The following PARD3B variants were observed in gnomAD, a reference collection of about 807,000 sequenced individuals.
The protein encoded by PARD3B is par-3 family cell polarity regulator beta.
In PARD3B, 103 loss-of-function variants were observed where a neutral mutation model predicts 130.2. The observed-to-expected ratio is 0.79, with a 90% CI of 0.67 to 0.93. The LOEUF is 0.93. PARD3B is among the 40% of genes least tolerant of loss of function. PARD3B has a pLI of 0.00. For synonymous variants in PARD3B, 583 were observed against 553.2 expected (o/e 1.05, Z -0.76); for missense variants, 1,609 against 1,499.2 (o/e 1.07, Z -1.21).
chr2:204,704,242 A>G (rs2038029148), intron 2 of PARD3B, among the ~76,000 whole-genome samples: 1 of 152,178 alleles, frequency 6.6e-6, no homozygotes, highest in African/African-American at 2.4e-5. Flanking sequence ...TCATGCAGAT[A>G]TTATTGAGAA....
At chr2:205,006,506 C>T (rs1324949297) in intron 3 of PARD3B, among the ~76,000 whole-genome samples, 1 of 152,142 alleles carries the variant, frequency 6.6e-6, no homozygotes, top group Non-Finnish European at 1.5e-5. Context: ...GCCATTCTTG[C>T]AGAAGTAAGG....
At chr2:204,746,935 C>T (rs1404132452) in intron 2 of PARD3B, among the ~76,000 whole-genome samples, 1 of 152,102 alleles carries the variant, frequency 6.6e-6, no homozygotes, top group Non-Finnish European at 1.5e-5. Flanking sequence ...GTTGCCTGTT[C>T]ATTCTGATGG....
chr2:205,246,599 C>A (rs1453760459), intron 16 of PARD3B, among the ~76,000 whole-genome samples: 1 of 152,148 alleles, frequency 6.6e-6, no homozygotes, highest in African/African-American at 2.4e-5. Context: ...CCCCTCTAAA[C>A]AACAGAAGGA....
chr2:204,699,968 A>G (rs2037814810), intron 2 of PARD3B, among the ~76,000 whole-genome samples: 1 of 152,172 alleles, frequency 6.6e-6, no homozygotes, highest in Admixed American at 6.5e-5. Flanking sequence ...TATATACACT[A>G]ACAGAAAATG....
chr2:204,819,121 C>A (rs2125540338), intron 2 of PARD3B, among the ~76,000 whole-genome samples: 1 of 152,268 alleles, frequency 6.6e-6, no homozygotes, highest in East Asian at 1.9e-4. Flanking sequence ...CGTATACATA[C>A]AGAAATTCTT....
intron 16 of PARD3B, among the ~76,000 whole-genome samples, chr2:205,252,656 A>T (rs2039898774): frequency 6.6e-6 from 1 of 152,160 alleles, no homozygotes; most frequent in Non-Finnish European, 1.5e-5. Context: ...TGGCAGCAGT[A>T]CAAAGAGAAA....
intron 18 of PARD3B, among the ~76,000 whole-genome samples, chr2:205,343,299 A>T (rs1172545053): frequency 1.3e-5 from 2 of 152,196 alleles, no homozygotes; most frequent in Non-Finnish European, 2.9e-5. Flanking sequence ...CTTTGTGTTG[A>T]TAGCCAATAA....
intron 13 of PARD3B, among the ~76,000 whole-genome samples, chr2:205,178,935 C>T (rs1158743429): frequency 2.0e-5 from 3 of 152,172 alleles, no homozygotes; most frequent in African/African-American, 7.2e-5. Context: ...TAAACAGCCT[C>T]AGGCAGTTCC....
intron 2 of PARD3B, among the ~76,000 whole-genome samples, chr2:204,694,559 C>A (rs932194671): frequency 3.3e-5 from 5 of 151,958 alleles, no homozygotes; most frequent in African/African-American, 1.2e-4. Context: ...TAATTGACTA[C>A]CTTTTTCTTC....
chr2:204,862,721 T>A (rs1361883911), intron 2 of PARD3B, among the ~76,000 whole-genome samples: 1 of 152,176 alleles, frequency 6.6e-6, no homozygotes, highest in Non-Finnish European at 1.5e-5. Flanking sequence ...ACATCCCTTT[T>A]CCCCTCTACT....
chr2:205,565,748 A>G (rs1358744447), intron 22 of PARD3B, among the ~76,000 whole-genome samples: 1 of 152,150 alleles, frequency 6.6e-6, no homozygotes, highest in African/African-American at 2.4e-5. Flanking sequence ...TTTAACAACT[A>G]TTTATTCATG....
intron 1 of PARD3B, among the ~76,000 whole-genome samples, chr2:204,553,941 C>A (rs2030729390): frequency 6.6e-6 from 1 of 151,728 alleles, no homozygotes; most frequent in South Asian, 2.1e-4. Context: ...GGGTGCCGTG[C>A]ATACTGCTCA....
intron 15 of PARD3B, among the ~76,000 whole-genome samples, chr2:205,240,560 C>T (rs1002943648): frequency 2.0e-5 from 3 of 152,012 alleles, no homozygotes; most frequent in African/African-American, 7.2e-5. Flanking sequence ...TTGCATATTC[C>T]CCATTCGTGA....
At chr2:205,580,822 G>A (rs2053936823) in intron 22 of PARD3B, among the ~76,000 whole-genome samples, 1 of 152,052 alleles carries the variant, frequency 6.6e-6, no homozygotes, top group African/African-American at 2.4e-5. Flanking sequence ...ACACTAAAAT[G>A]CCTTGGAAAA....
chr2:204,704,209 A>G (rs969539280), intron 2 of PARD3B, among the ~76,000 whole-genome samples: 11 of 152,186 alleles, frequency 7.2e-5, no homozygotes, highest in Admixed American at 4.6e-4. Flanking sequence ...TCATCATAAC[A>G]GTATTTTTTA....
At chr2:205,570,975 C>T (rs1007983073) in intron 22 of PARD3B, among the ~76,000 whole-genome samples, 1 of 152,106 alleles carries the variant, frequency 6.6e-6, no homozygotes, top group Non-Finnish European at 1.5e-5. Context: ...AAACCATAGC[C>T]ACTCCACCAT....
At chr2:205,093,943 A>G (rs1340371831) in intron 4 of PARD3B, among the ~76,000 whole-genome samples, 4 of 152,132 alleles carry the variant, frequency 2.6e-5, no homozygotes, top group African/African-American at 9.7e-5. Flanking sequence ...CCATGACTAC[A>G]GCTGCTCTCA....
intron 2 of PARD3B, among the ~76,000 whole-genome samples, chr2:204,910,135 A>G (rs1342306153): frequency 6.6e-6 from 1 of 152,180 alleles, no homozygotes; most frequent in Non-Finnish European, 1.5e-5. Context: ...TGATTGGACA[A>G]AGGAAATGTG....
intron 2 of PARD3B, among the ~76,000 whole-genome samples, chr2:204,762,745 T>A (rs2040960187): frequency 7.3e-6 from 1 of 137,244 alleles, no homozygotes; most frequent in African/African-American, 2.5e-5. Context: ...CATCTTTCTT[T>A]TTTCTTTTTC....
Sources: allele counts gnomAD v4.1 joint callset (sites outside exome capture counted in the v4.1 genomes callset), GRCh38; gene constraint gnomAD v4.1.1; transcripts MANE v1.5; gene names NCBI Gene and HGNC (gene_info 2026-07-23, HGNC 2026-07-21).